FUT8: variants seen among roughly 807,000 people sequenced by gnomAD.
FUT8 encodes the protein fucosyltransferase 8.
Under a neutral mutation model 71.3 loss-of-function variants are expected in FUT8, and 29 were observed. That is an observed-to-expected ratio of 0.41 (90% CI 0.30 to 0.55). The LOEUF is 0.55. Ranked by LOEUF, FUT8 falls within the 20% of genes least tolerant of loss-of-function variation. The probability of loss-of-function intolerance (pLI) is 0.34; values close to 1 mark genes in which losing one functional copy is unlikely to be tolerated. For missense variants in FUT8, 544 were observed against 702.1 expected, an observed-to-expected ratio of 0.77 and a Z score of 2.55; for synonymous variants, 254 against 239.3, an observed-to-expected ratio of 1.06 and a Z score of -0.57.
At chr14:65,408,597 GA>G (rs1486121916), upstream of FUT8, among the ~76,000 whole-genome samples, 1 of 152,196 alleles carries the variant, frequency 6.6e-6, no homozygotes, top group Non-Finnish European at 1.5e-5. Context: ...TATTAATAAG[GA>G]AGGACGGGAG....
chr14:65,519,925 C>T (rs974084343), intron 2 of FUT8, among the ~76,000 whole-genome samples: 5 of 152,200 alleles, frequency 3.3e-5, no homozygotes, highest in Admixed American at 6.5e-5. Flanking sequence ...GCTACAGGAG[C>T]GTGCCACTAC....
intron 2 of FUT8, among the ~76,000 whole-genome samples, chr14:65,504,007 G>A (rs554883835): frequency 1.3e-5 from 2 of 152,270 alleles, no homozygotes; most frequent in Admixed American, 6.5e-5. Context: ...GCTGATTGCC[G>A]CAGTTGGATG....
chr14:65,651,536 G>A (rs920012563), intron 6 of FUT8, among the ~76,000 whole-genome samples: 5 of 152,126 alleles, frequency 3.3e-5, no homozygotes, highest in African/African-American at 1.2e-4. Flanking sequence ...ATCTTAATTC[G>A]AATGATGAAA....
chr14:65,438,626 G>C (rs1481488983), intron 1 of FUT8, among the ~76,000 whole-genome samples: 1 of 152,198 alleles, frequency 6.6e-6, no homozygotes, highest in Non-Finnish European at 1.5e-5. Context: ...TTATGTGAGA[G>C]AGAAATAAAC....
the FUT8 span, among the ~76,000 whole-genome samples, chr14:65,400,115 A>T: frequency 6.6e-6 from 1 of 152,220 alleles, no homozygotes; most frequent in African/African-American, 2.4e-5. Context: ...GGATTGGAAG[A>T]CCTGAATTCT....
intron 3 of FUT8, among the ~76,000 whole-genome samples, chr14:65,611,254 CA>C (rs1888944638): frequency 1.5e-5 from 1 of 68,792 alleles, no homozygotes; most frequent in African/African-American, 9.6e-5. Context: ...CACACACACA[CA>C]CACACACACA....
rs1890932308 is a variant in FUT8 at position 65,643,397 on chromosome 14, G to A, written c.597+13791G>A. On this transcript the variant is annotated intron_variant, in intron 6 of 10. Transcript: ENST00000673929. The surrounding 1 kb of genome is among the most constrained non-coding windows in gnomAD (Gnocchi z 4.5). The stretch of plus-strand genomic sequence containing the variant: ...TGGCCCAGCGTGGTGGCTCACGCCT[G>A]TAATCCCAGCACTTTGGGAGGCCGA... 6.6e-6 allele frequency among the ~76,000 whole-genome samples: 1 copy of A among 152,196 alleles called. No homozygotes were observed. The highest frequency in any genetic ancestry group is 2.4e-5 in the African/African-American group (1 of 41,438).
intron 3 of FUT8, among the ~76,000 whole-genome samples, chr14:65,612,963 A>G (rs1889078429): frequency 6.6e-6 from 1 of 150,376 alleles, no homozygotes; most frequent in African/African-American, 2.5e-5. Flanking sequence ...GTGCATATTG[A>G]CTCTTTTCTG....
At chr14:65,384,516 A>G in the FUT8 span, among the ~76,000 whole-genome samples, 32 of 152,216 alleles carry the variant, frequency 2.1e-4, no homozygotes, top group African/African-American at 7.2e-4. The surrounding 1 kb of genome is among the most constrained non-coding windows in gnomAD (Gnocchi z 4.2). Context: ...CCCAAGATCC[A>G]GTTATTTCAA....
chr14:65,414,532 G>C (rs534630360), intron 1 of FUT8, among the ~76,000 whole-genome samples: 6 of 152,148 alleles, frequency 3.9e-5, no homozygotes. Flanking sequence ...TGCTGTCCTT[G>C]TGAAATCTGG....
the FUT8 span, among the ~76,000 whole-genome samples, chr14:65,397,099 C>G: frequency 2.6e-5 from 4 of 152,190 alleles, no homozygotes. The surrounding 1 kb of genome is among the most constrained non-coding windows in gnomAD (Gnocchi z 4.2). Flanking sequence ...CCACCTCTAT[C>G]TTATAGTGGG....
intron 10 of FUT8, among the ~76,000 whole-genome samples, 192 bp from the exon 11 acceptor site, chr14:65,741,901 A>C (rs1013816668): frequency 2.6e-5 from 4 of 151,946 alleles, no homozygotes; most frequent in Non-Finnish European, 5.9e-5. Context: ...TTATTTGAAA[A>C]AGGATCCAGA....
intron 3 of FUT8, among the ~76,000 whole-genome samples, chr14:65,611,223 GCACACACA>G (rs1222817416): frequency 3.1e-4 from 1 of 3,214 alleles, no homozygotes; most frequent in African/African-American, 5.1e-4. Flanking sequence ...GCGCGCGCGC[GCACACACA>G]CACACACACA....
rs1033300155 is a variant in FUT8 at position 65,669,651 on chromosome 14, T to C, written c.835+171T>C. 6.6e-6 allele frequency among the ~76,000 whole-genome samples: 1 copy of C among 152,248 alleles called. No homozygotes were observed. Among genetic ancestry groups the C allele is most frequent in the Non-Finnish European group, 1.5e-5 (1 of 68,038 alleles). ...AGAACAGTATTTTATCTTAAAAGTA[T>C]TTTATTATGTATTTCATTTCTGATG... On this transcript the variant is annotated intron_variant, in intron 7 of 10. Transcript: ENST00000673929. This position sits in a 1 kb window ranked among gnomAD's most constrained non-coding sequence, Gnocchi z 4.5.
intron 7 of FUT8, among the ~76,000 whole-genome samples, chr14:65,693,502 G>C (rs370713852): frequency 8.5e-5 from 13 of 152,208 alleles, no homozygotes; most frequent in African/African-American, 3.1e-4. Context: ...CAGGGAGACC[G>C]TGGAAAGAGA....
At chr14:65,579,746 A>G (rs923895723) in intron 3 of FUT8, among the ~76,000 whole-genome samples, 3 of 152,166 alleles carry the variant, frequency 2.0e-5, no homozygotes, top group Non-Finnish European at 4.4e-5. Flanking sequence ...CAGTGGGGTC[A>G]TAAACTGCCT....
chr14:65,728,982 A>C (rs1895820367), intron 9 of FUT8, among the ~76,000 whole-genome samples: 1 of 151,476 alleles, frequency 6.6e-6, no homozygotes, highest in Non-Finnish European at 1.5e-5. Flanking sequence ...TTTTCACTTA[A>C]TACAGCAATA....
intron 6 of FUT8, among the ~76,000 whole-genome samples, chr14:65,636,315 A>AT (rs56786117): frequency 0.3 from 39,759 of 132,016 alleles, 6,596 homozygotes; most frequent in East Asian, 0.58. Flanking sequence ...TATCTTTTGT[A>AT]TTTTTTTTTT....
intron 1 of FUT8, among the ~76,000 whole-genome samples, chr14:65,429,616 C>G (rs1478827417): frequency 6.6e-6 from 1 of 152,062 alleles, no homozygotes; most frequent in Non-Finnish European, 1.5e-5. Flanking sequence ...GTAATCACAG[C>G]ATTTTGGAGG....
Sources: allele counts gnomAD v4.1 joint callset (sites outside exome capture counted in the v4.1 genomes callset), GRCh38; gene constraint gnomAD v4.1.1; non-coding constraint Gnocchi (gnomAD v3.1); transcripts MANE v1.5; gene names NCBI Gene and HGNC (gene_info 2026-07-23, HGNC 2026-07-21).